The following ANXA8 variants were observed in gnomAD, a reference collection of about 807,000 sequenced individuals.
ANXA8 encodes VAC-beta.
A neutral mutation model predicts 26.8 loss-of-function variants in ANXA8; 9 were observed. The ratio of observed to expected loss-of-function variants is 0.34; its 90% CI spans 0.20 to 0.59. The LOEUF (loss-of-function observed/expected upper bound fraction) is 0.59. ANXA8 is among the 20% of genes least tolerant of loss of function. The probability of loss-of-function intolerance (pLI) is 0.84; values close to 1 mark genes in which losing one functional copy is unlikely to be tolerated. For synonymous variants in ANXA8, 39 were observed against 94.8 expected (o/e 0.41, Z 3.42); for missense variants, 83 against 238.5 (o/e 0.35, Z 4.29).
At chr10:47,755,159 G>T in the ANXA8 span, among the ~76,000 whole-genome samples, 1 of 151,454 alleles carries the variant, frequency 6.6e-6, no homozygotes, top group Non-Finnish European at 1.5e-5. Context: ...ATTTTACTAT[G>T]TTGGCCAGGA....
chr10:47,665,180 AC>A, the ANXA8 span, among the ~76,000 whole-genome samples: 1 of 149,084 alleles, frequency 6.7e-6, no homozygotes, highest in Admixed American at 6.6e-5. Flanking sequence ...AAAAAAAAAA[AC>A]CCAGGTAAAA....
the ANXA8 span, among the ~76,000 whole-genome samples, chr10:47,616,735 C>G: frequency 5.4e-5 from 4 of 74,522 alleles, 2 homozygotes; most frequent in Non-Finnish European, 1.4e-4. Flanking sequence ...TGCTCCCAGT[C>G]TTTTTGAGCT....
At chr10:47,686,087 A>G in the ANXA8 span, among the ~76,000 whole-genome samples, 1 of 151,524 alleles carries the variant, frequency 6.6e-6, no homozygotes, top group Non-Finnish European at 1.5e-5. Flanking sequence ...TCAGTTTCAA[A>G]ATTTTGTGAT....
chr10:47,698,955 G>A, the ANXA8 span, among the ~76,000 whole-genome samples: 4 of 151,426 alleles, frequency 2.6e-5, no homozygotes, highest in Admixed American at 6.6e-5. Flanking sequence ...AAAAGCACTC[G>A]AGGCATTGTC....
chr10:47,561,155 C>T, the ANXA8 span, among the ~76,000 whole-genome samples: 11 of 151,980 alleles, frequency 7.2e-5, 1 homozygote, highest in African/African-American at 2.4e-4. Flanking sequence ...ATGAATACAA[C>T]ATTACATAAT....
chr10:47,971,256 C>T, the ANXA8 span, among the ~76,000 whole-genome samples: 91 of 151,032 alleles, frequency 6.0e-4, 5 homozygotes, highest in Non-Finnish European at 1.1e-3. Context: ...GAAGGCCCGC[C>T]CTGCAGAAGG....
chr10:47,953,612 A>G, the ANXA8 span, among the ~76,000 whole-genome samples: 1 of 150,408 alleles, frequency 6.6e-6, no homozygotes, highest in Admixed American at 6.6e-5. Flanking sequence ...GTGAAGAGAC[A>G]GCCTACAGAA....
the ANXA8 span, among the ~76,000 whole-genome samples, chr10:47,711,064 G>A: frequency 4.0e-5 from 6 of 149,602 alleles, 2 homozygotes; most frequent in African/African-American, 1.5e-4. Flanking sequence ...AGAGTACTCT[G>A]ATAAATAAAT....
At chr10:47,486,835 T>C (rs1189696765), upstream of ANXA8, among the ~76,000 whole-genome samples, 3 of 139,834 alleles carry the variant, frequency 2.1e-5, 1 homozygote, top group African/African-American at 7.8e-5. Context: ...TAGCCAGAGA[T>C]GGTGGCCTGC....
chr10:47,548,985 T>C, the ANXA8 span, among the ~76,000 whole-genome samples: 2 of 151,750 alleles, frequency 1.3e-5, no homozygotes, highest in Non-Finnish European at 3.0e-5. Flanking sequence ...GTACTTACTA[T>C]GATATATTTG....
the ANXA8 span, among the ~76,000 whole-genome samples, chr10:47,744,431 A>AGGGGGGAAGGGGGGGGGGGGGGGGG: frequency 1.9e-4 from 1 of 5,396 alleles, no homozygotes; most frequent in Admixed American, 2.7e-3. Context: ...GTTGGGGGGG[A>AGGGGGGAAGGGGGGGGGGGGGGGGG]GGGGGGAAGA....
chr10:47,699,110 G>A, the ANXA8 span, among the ~76,000 whole-genome samples: 1 of 151,648 alleles, frequency 6.6e-6, no homozygotes, highest in Non-Finnish European at 1.5e-5. Context: ...ACTTTGAGAG[G>A]CCAAGGTGGG....
upstream of ANXA8, among the ~76,000 whole-genome samples, chr10:47,485,665 T>C (rs1840026066): frequency 6.6e-6 from 1 of 151,826 alleles, no homozygotes; most frequent in Admixed American, 6.6e-5. Context: ...ATTACTTCTC[T>C]TTTTTTTAAT....
chr10:47,948,167 T>G, the ANXA8 span, among the ~76,000 whole-genome samples: 1 of 141,812 alleles, frequency 7.1e-6, no homozygotes, highest in Non-Finnish European at 1.5e-5. Context: ...CAGAAAAATA[T>G]CTACCAATCT....
At chr10:47,505,895 G>T in the ANXA8 span, among the ~76,000 whole-genome samples, 3 of 133,208 alleles carry the variant, frequency 2.3e-5, no homozygotes, top group African/African-American at 8.3e-5. Flanking sequence ...GTGAGAGGTT[G>T]TCACTTCAAG....
chr10:47,702,240 G>C, the ANXA8 span, among the ~76,000 whole-genome samples: 1 of 150,902 alleles, frequency 6.6e-6, no homozygotes, highest in African/African-American at 2.4e-5. Flanking sequence ...ACATCTCCTA[G>C]TTCTGTCCAT....
At chr10:47,701,311 A>G in the ANXA8 span, among the ~76,000 whole-genome samples, 1 of 151,594 alleles carries the variant, frequency 6.6e-6, no homozygotes, top group Admixed American at 6.6e-5. Context: ...ATATTTGGCA[A>G]TATCTAACAA....
the ANXA8 span, among the ~76,000 whole-genome samples, chr10:47,688,116 A>G: frequency 2.7e-5 from 4 of 148,530 alleles, no homozygotes; most frequent in East Asian, 7.9e-4. Context: ...TAAATAAATA[A>G]AGGGTCTCAC....
At chr10:47,565,694 C>T in the ANXA8 span, 3 of 449,772 alleles carry the variant, frequency 6.7e-6, no homozygotes, top group East Asian at 3.7e-5. Context: ...CGCCACCGCT[C>T]GACTCCCTGA....
Sources: allele counts gnomAD v4.1 joint callset (sites outside exome capture counted in the v4.1 genomes callset), GRCh38; gene constraint gnomAD v4.1.1; transcripts MANE v1.5; gene names NCBI Gene and HGNC (gene_info 2026-07-23, HGNC 2026-07-21).